Variants in PALS2 observed in about 807,000 individuals in gnomAD.
PALS2 encodes the protein protein PALS2.
In PALS2, 27 loss-of-function variants were observed where a neutral mutation model predicts 61.6. The observed-to-expected ratio is 0.44, with a 90% CI of 0.32 to 0.60. PALS2 has a LOEUF of 0.60. PALS2 is among the 20% of genes least tolerant of loss of function. The pLI, the probability that PALS2 is intolerant of heterozygous loss-of-function variation, is 0.05. For missense variants in PALS2, 554 were observed against 639.4 expected (o/e 0.87, Z 1.44); for synonymous variants, 236 against 218.6 (o/e 1.08, Z -0.70).
chr7:24,607,806 G>T (rs964854213), intron 1 of PALS2, among the ~76,000 whole-genome samples: 2 of 151,864 alleles, frequency 1.3e-5, no homozygotes, highest in African/African-American at 4.8e-5. Flanking sequence ...TGCATACAAT[G>T]AAGTACTAGG....
At chr7:24,677,835 G>C (rs1787700486) in intron 9 of PALS2, among the ~76,000 whole-genome samples, 1 of 152,154 alleles carries the variant, frequency 6.6e-6, no homozygotes, top group Non-Finnish European at 1.5e-5. Flanking sequence ...TCTCAAGGTT[G>C]AGCCAGAAAA....
At position 24,584,741 on chromosome 7, in the gene PALS2, C is replaced by A. The variant is rs550029935; in HGVS notation, c.-3+11148C>A. On this transcript the variant is annotated intron_variant, in intron 1 of 11. Coordinates refer to ENST00000222644, the MANE Select transcript of PALS2 (RefSeq NM_001303037.2). ...TTTAGACATGAAGTGCTTGCCCATGCCTATGTCCTGAATGGTAATGCCTAG... is the reference window on the plus strand; with the variant it reads ...TTTAGACATGAAGTGCTTGCCCATGACTATGTCCTGAATGGTAATGCCTAG... 2.0e-5 allele frequency among the ~76,000 whole-genome samples: 3 copies of A among 152,052 alleles called. No homozygotes were observed. The South Asian group carries it at 6.2e-4, about 32-fold the overall frequency.
chr7:24,679,429 G>T, intron 10 of PALS2, 96 bp downstream of exon 10: 1 of 1,279,322 alleles, frequency 7.8e-7, no homozygotes, highest in Non-Finnish European at 1.1e-6. Context: ...TGTTTGTTTT[G>T]TCAGGGTGGA....
chr7:24,650,964 T>C (rs1786119359), intron 5 of PALS2, among the ~76,000 whole-genome samples: 1 of 152,172 alleles, frequency 6.6e-6, no homozygotes, highest in South Asian at 2.1e-4. Flanking sequence ...TACAGCTAGG[T>C]ATCAGAAGAA....
chr7:24,667,150 A>G (rs1215930799), intron 8 of PALS2, among the ~76,000 whole-genome samples: 1 of 152,178 alleles, frequency 6.6e-6, no homozygotes, highest in Non-Finnish European at 1.5e-5. Flanking sequence ...ATTGAGAGTT[A>G]CAGTAATAAC....
chr7:24,687,569 A>G lies in PALS2; in HGVS notation c.1578A>G (p.Lys526=). 1 of 1,612,138 alleles carries G rather than the reference A, an allele frequency of 6.2e-7. No individual in the cohort carries two copies. Among genetic ancestry groups the G allele is most frequent in the Non-Finnish European group, 8.5e-7 (1 of 1,179,394 alleles). The change falls in exon 12 of 12, where the codon AAA becomes AAG. Residue 526 remains lysine, a synonymous_variant. Transcript: ENST00000222644. This position sits in a 1 kb window ranked among gnomAD's most constrained non-coding sequence, Gnocchi z 4.5. ...AAAAACTGCAAACTGCCATAGAGAA[A>G]CTGAGAATGGAACCACAGTGGGTCC... The part of the protein sequence containing the change: ...AFEKLQTAIE[K]LRMEPQWVPI...
chr7:24,680,662 C>G, intron 11 of PALS2, 142 bp downstream of exon 11: 1 of 1,130,792 alleles, frequency 8.8e-7, no homozygotes, highest in South Asian at 1.9e-5. Context: ...TTGATGCGAT[C>G]TCAGCTCGTT....
intron 8 of PALS2, among the ~76,000 whole-genome samples, chr7:24,666,329 A>G (rs536403037): frequency 2.6e-4 from 40 of 152,292 alleles, no homozygotes; most frequent in Non-Finnish European, 5.3e-4. Flanking sequence ...ATTGGTTAAG[A>G]TTTTTGTTTG....
rs934154776 is a variant in PALS2 at position 24,690,745 on chromosome 7, ATCAGGACTTT to A, written c.*3132_*3141del. 2.0e-5 allele frequency: 3 copies of A among 152,200 alleles called. No individual in the cohort carries two copies. Among genetic ancestry groups the A allele is most frequent in the African/African-American group, 7.2e-5 (3 of 41,458 alleles). 9.4% of individuals were successfully genotyped at this position (152,200 alleles called of 1,614,324 possible). On this transcript the variant is annotated 3_prime_UTR_variant, in exon 12 of 12. Transcript: ENST00000222644. ...TTTGGTAATATCACATGTCAAATACATCAGGACTTTGTTTATTTTGGCTAACTCTAACTAT... is the reference window on the plus strand; with the variant it reads ...TTTGGTAATATCACATGTCAAATACAGTTTATTTTGGCTAACTCTAACTAT...
Position 24,665,820 on chromosome 7 carries a change from C to G in PALS2, c.883+133C>G, listed in dbSNP as rs115464318. On this transcript the variant is annotated intron_variant, in intron 7 of 11. Transcript: ENST00000222644. The stretch of plus-strand genomic sequence containing the variant: ...ATCCCTCCCTCTGCTTTCTCTCGCT[C>G]ATAAGTAATCTTTTTTGATCCCGTT... 2.0e-3 allele frequency: 1,953 copies of G among 970,610 alleles called. 17 individuals carry two copies. In the African/African-American group the frequency reaches 0.028, roughly 14 times the overall value. 60.1% of individuals were successfully genotyped at this position (970,610 alleles called of 1,614,324 possible).
chr7:24,674,168 C>T (rs1787445010), intron 9 of PALS2: 2 of 152,456 alleles, frequency 1.3e-5, no homozygotes, highest in Admixed American at 6.5e-5. Flanking sequence ...CCCTTCTTCC[C>T]TCCACAATGA....
In PALS2 at chr7:24,688,819, G is replaced by C. The variant is rs1359358324; in HGVS notation, c.*1205G>C. ...GTTAAAAAATGTACTTTGTTTTTTT[G>C]TTTGTTTGTTTTGAGATGGAGTCTC... On this transcript the variant is annotated 3_prime_UTR_variant, in exon 12 of 12. Coordinates refer to ENST00000222644, the MANE Select transcript of PALS2 (RefSeq NM_001303037.2). 6.7e-6 allele frequency: 1 copy of C among 149,916 alleles called. No individual in the cohort carries two copies. The highest frequency in any genetic ancestry group is 6.6e-5 in the Admixed American group (1 of 15,076). The allele number at this position is 149,916 out of a possible 1,614,324, so 9.3% of individuals were successfully genotyped here. A position where few individuals can be genotyped will look rare whatever the true frequency, so the allele number is the denominator to read the frequency against.
chr7:24,622,875 G>A (rs1305189161), intron 1 of PALS2, among the ~76,000 whole-genome samples: 1 of 151,618 alleles, frequency 6.6e-6, no homozygotes, highest in African/African-American at 2.4e-5. Flanking sequence ...TTAGTTTGGT[G>A]AATGTTTTTA....
intron 5 of PALS2, among the ~76,000 whole-genome samples, chr7:24,662,446 A>G (rs1010030763): frequency 2.6e-5 from 4 of 152,132 alleles, no homozygotes; most frequent in African/African-American, 9.7e-5. Flanking sequence ...TTGAATTTCT[A>G]TAAATATATA....
chr7:24,590,716 G>A (rs1337416865), intron 1 of PALS2, among the ~76,000 whole-genome samples: 4 of 151,942 alleles, frequency 2.6e-5, no homozygotes, highest in Non-Finnish European at 5.9e-5. Flanking sequence ...ACAGGCCAGG[G>A]CCTAAATGGC....
chr7:24,615,480 A>G (rs991611824), intron 1 of PALS2, among the ~76,000 whole-genome samples: 3 of 151,972 alleles, frequency 2.0e-5, no homozygotes, highest in Non-Finnish European at 4.4e-5. Context: ...ACATTTGAAA[A>G]TCTAGAGAAA....
At chr7:24,607,767 A>G (rs1366391672) in intron 1 of PALS2, among the ~76,000 whole-genome samples, 1 of 152,018 alleles carries the variant, frequency 6.6e-6, no homozygotes, top group Admixed American at 6.6e-5. Flanking sequence ...GTCTTTCAGT[A>G]GAGGACAGAC....
At chr7:24,640,734 G>C (rs574095756) in intron 2 of PALS2, among the ~76,000 whole-genome samples, 14 of 144,546 alleles carry the variant, frequency 9.7e-5, no homozygotes, top group South Asian at 8.4e-4. Context: ...TTCGGCCGAG[G>C]GCGGTGGCTC....
In PALS2 at chr7:24,573,673, G is replaced by C. The variant is rs537493301; in HGVS notation, c.-3+80G>C. The C allele has an allele frequency of 0.049, 10,023 of 206,474 alleles. 293 individuals carry two copies. Among genetic ancestry groups the C allele is most frequent in the East Asian group, 0.1 (980 of 9,434 alleles). The allele number at this position is 206,474 out of a possible 1,614,324, so 12.8% of individuals were successfully genotyped here. A position where few individuals can be genotyped will look rare whatever the true frequency, so the allele number is the denominator to read the frequency against. ...CCGGCCGGGGGCGCCCTGTTGCTCG[G>C]CGCGGCGCGCCACGCGGGGACCCTG... On this transcript the variant is annotated intron_variant, in intron 1 of 11. Transcript: ENST00000222644. This position sits in a 1 kb window ranked among gnomAD's most constrained non-coding sequence, Gnocchi z 5.3.
Sources: gnomAD v4.1 joint callset for allele counts (sites outside exome capture counted in the v4.1 genomes callset) on GRCh38, gnomAD v4.1.1 for gene constraint, Gnocchi (gnomAD v3.1) non-coding constraint, MANE v1.5 for transcripts, NCBI Gene and HGNC (gene_info 2026-07-23, HGNC 2026-07-21) for gene names.